Variants in CDH12 observed in about 807,000 individuals in gnomAD.
CDH12 encodes the protein cadherin 12, also known as cadherin-12.
CDH12 carries 41 observed loss-of-function variants against 74.1 expected under a neutral mutation model. That is an observed-to-expected ratio of 0.55 (90% CI 0.43 to 0.72). The LOEUF (loss-of-function observed/expected upper bound fraction) is 0.72. Among genes scored for constraint, CDH12 ranks in the 30% least tolerant of loss-of-function variants. CDH12 has a pLI of 0.00. For synonymous variants in CDH12, 399 were observed against 355.0 expected (o/e 1.12, Z -1.39); for missense variants, 945 against 977.2 (o/e 0.97, Z 0.44).
At chr5:22,067,744 G>A (rs1419001755) in intron 5 of CDH12, among the ~76,000 whole-genome samples, 1 of 152,122 alleles carries the variant, frequency 6.6e-6, no homozygotes, top group African/African-American at 2.4e-5. Context: ...AAGATATGAA[G>A]TATCCTTCAA....
intron 9 of CDH12, among the ~76,000 whole-genome samples, chr5:21,812,184 C>T (rs748271518): frequency 6.6e-6 from 1 of 151,704 alleles, no homozygotes; most frequent in Non-Finnish European, 1.5e-5. Flanking sequence ...GCATGTCATG[C>T]CTCATTCCTC....
chr5:22,562,125 A>G (rs1022004135), intron 1 of CDH12, among the ~76,000 whole-genome samples: 11 of 152,178 alleles, frequency 7.2e-5, no homozygotes, highest in East Asian at 1.9e-4. Context: ...AGACCATCCC[A>G]GCTAAAACGG....
chr5:22,770,420 G>T (rs75766085), intron 1 of CDH12, among the ~76,000 whole-genome samples: 7,763 of 152,018 alleles, frequency 0.051, 316 homozygotes, highest in East Asian at 0.13. Flanking sequence ...TTTATTTTAG[G>T]CTTCAGTTGG....
intron 3 of CDH12, among the ~76,000 whole-genome samples, chr5:22,246,799 TTA>T (rs1752960738): frequency 6.6e-6 from 1 of 152,188 alleles, no homozygotes; most frequent in Admixed American, 6.5e-5. Context: ...CAAGATGTAG[TTA>T]CTTTTATCTA....
At chr5:22,221,623 A>T (rs1286818619) in intron 3 of CDH12, among the ~76,000 whole-genome samples, 1 of 151,832 alleles carries the variant, frequency 6.6e-6, no homozygotes. Context: ...AAATGTTGAT[A>T]TTATTTTATT....
intron 3 of CDH12, among the ~76,000 whole-genome samples, chr5:22,338,826 T>C (rs1300432039): frequency 6.6e-6 from 1 of 152,216 alleles, no homozygotes. Flanking sequence ...AATTAACTTG[T>C]TGGCTTTGAA....
chr5:22,816,288 A>T (rs1169900930), intron 1 of CDH12, among the ~76,000 whole-genome samples: 1 of 152,186 alleles, frequency 6.6e-6, no homozygotes. Context: ...GAGGCACCGG[A>T]AGTTAATCAA....
intron 4 of CDH12, among the ~76,000 whole-genome samples, chr5:22,206,180 G>C (rs1329165386): frequency 6.6e-6 from 1 of 152,086 alleles, no homozygotes; most frequent in Non-Finnish European, 1.5e-5. Flanking sequence ...ATGGGGCAGA[G>C]TAGGGGGCAG....
At chr5:21,910,272 CA>C (rs1212746369) in intron 6 of CDH12, among the ~76,000 whole-genome samples, 2 of 152,038 alleles carry the variant, frequency 1.3e-5, no homozygotes, top group Non-Finnish European at 2.9e-5. Flanking sequence ...ACTCACATAA[CA>C]AAAAAGTCAG....
chr5:22,116,362 G>T (rs1259907964), intron 4 of CDH12, among the ~76,000 whole-genome samples: 1 of 152,050 alleles, frequency 6.6e-6, no homozygotes, highest in Non-Finnish European at 1.5e-5. Flanking sequence ...TTTAAGAAAA[G>T]AATCTGGCCG....
intron 1 of CDH12, among the ~76,000 whole-genome samples, chr5:22,613,612 T>G (rs1737529680): frequency 6.6e-6 from 1 of 152,124 alleles, no homozygotes; most frequent in South Asian, 2.1e-4. Flanking sequence ...TACGTGCTGT[T>G]TCCAAAGTGT....
At chr5:22,819,522 A>C (rs1561053675) in intron 1 of CDH12, among the ~76,000 whole-genome samples, 1 of 152,106 alleles carries the variant, frequency 6.6e-6, no homozygotes, top group Non-Finnish European at 1.5e-5. Context: ...CCAGAAAAGA[A>C]ATGCAAATTT....
rs564699960 is a variant in CDH12, at chr5:22,542,991, G to C, written c.-522-37627C>G. Among the ~76,000 whole-genome samples the C allele has an allele frequency of 1.1e-4, 16 of 152,254 alleles. 1 individual carries two copies. The East Asian group carries it at 1.5e-3, about 15-fold the overall frequency. ...GCCTGTAATTTATTTTAAAAAGTCA[G>C]AGAAAGCTCTGATTATAAGTTCCTA... On this transcript the variant is annotated intron_variant, in intron 1 of 14. Coordinates refer to ENST00000382254, the MANE Select transcript of CDH12 (RefSeq NM_004061.5).
intron 1 of CDH12, among the ~76,000 whole-genome samples, chr5:22,557,187 T>G (rs1348570781): frequency 6.6e-6 from 1 of 152,152 alleles, no homozygotes; most frequent in Non-Finnish European, 1.5e-5. Context: ...ATATAATTAA[T>G]TTGTTAAATA....
chr5:22,119,284 C>G (rs896376787), intron 4 of CDH12, among the ~76,000 whole-genome samples: 1 of 118,710 alleles, frequency 8.4e-6, no homozygotes, highest in African/African-American at 3.3e-5. Flanking sequence ...TCTTCTACTT[C>G]GTTTTTTTTT....
chr5:22,067,382 C>A (rs1741637276), intron 5 of CDH12, among the ~76,000 whole-genome samples: 1 of 152,188 alleles, frequency 6.6e-6, no homozygotes, highest in South Asian at 2.1e-4. Flanking sequence ...GTCCCTCCTA[C>A]AACCTCAGAA....
chr5:22,580,687 AT>A, intron 1 of CDH12: 4 of 391,628 alleles, frequency 1.0e-5, no homozygotes, highest in Non-Finnish European at 1.0e-5. Context: ...TGGAGGAGGC[AT>A]TTTAACATTC....
chr5:22,720,037 A>ACC lies in CDH12; in HGVS notation c.-523+133020_-523+133021insGG, dbSNP rs1554061618. Among the ~76,000 whole-genome samples, 3 of 148,348 alleles carry ACC rather than the reference A, an allele frequency of 2.0e-5. No individual in the cohort carries two copies. The East Asian group carries it at 6.0e-4, about 30-fold the overall frequency. Reference sequence around the variant, plus strand: ...TCAGCACTAGGATTCACAAAAACACAACACACACACACACACACACACAGA... The same window carrying ACC: ...TCAGCACTAGGATTCACAAAAACACACCACACACACACACACACACACACAGA... On this transcript the variant is annotated intron_variant, in intron 1 of 14. Transcript: ENST00000382254.
chr5:21,922,162 G>A (rs1279978653), intron 6 of CDH12, among the ~76,000 whole-genome samples: 2 of 152,082 alleles, frequency 1.3e-5, no homozygotes, highest in African/African-American at 4.8e-5. Context: ...AAATACTAGT[G>A]TAAATATAAT....
Sources: gnomAD v4.1 joint callset for allele counts (sites outside exome capture counted in the v4.1 genomes callset) on GRCh38, gnomAD v4.1.1 for gene constraint, MANE v1.5 for transcripts, NCBI Gene and HGNC (gene_info 2026-07-23, HGNC 2026-07-21) for gene names.